Variants in COA1 observed in about 807,000 individuals in gnomAD.
COA1 encodes cytochrome c oxidase assembly factor 1 homolog.
COA1 carries 13 observed loss-of-function variants against 16.0 expected under a neutral mutation model. The observed-to-expected ratio is 0.81, with a 90% CI of 0.53 to 1.29. The LOEUF (loss-of-function observed/expected upper bound fraction) is 1.29, where lower values mean the gene tolerates loss of function less well. Among genes scored for constraint, COA1 ranks in the 50% most tolerant of loss-of-function variants. The probability of loss-of-function intolerance (pLI) is 0.00; values close to 1 mark genes in which losing one functional copy is unlikely to be tolerated. For missense variants in COA1, 179 were observed against 177.0 expected (o/e 1.01, Z -0.06); for synonymous variants, 65 against 65.7 (o/e 0.99, Z 0.05).
intron 1 of COA1, among the ~76,000 whole-genome samples, chr7:43,701,378 T>C (rs2094731288): frequency 6.6e-6 from 1 of 152,212 alleles, no homozygotes. Flanking sequence ...TGGTTTTCTA[T>C]TCCTGTGTTA....
intron 1 of COA1, among the ~76,000 whole-genome samples, chr7:43,680,283 C>CA (rs552891478): frequency 0.14 from 10,300 of 73,118 alleles, 545 homozygotes; most frequent in East Asian, 0.29. Context: ...GACAGGGAGA[C>CA]AAAAAAAAAA....
rs1170433873 is a variant in COA1, at chr7:43,691,477, G to GAA, written c.-39+37950_-39+37951dup. Among the ~76,000 whole-genome samples, 281 of 131,702 alleles carry GAA rather than the reference G, an allele frequency of 2.1e-3. 12 individuals carry two copies. The highest frequency in any genetic ancestry group is 8.7e-3 in the African/African-American group (268 of 30,802). 86.4% of individuals were successfully genotyped at this position (131,702 alleles called of 152,430 possible). ...AGAAAGAAAGAAAGAAAGAAAGAAA[G>GAA]AAATTATCATCAATATAACATTTTC... On this transcript the variant is annotated intron_variant, in intron 1 of 5. Transcript: ENST00000223336.
chr7:43,664,663 C>T (rs1453973381), intron 1 of COA1, among the ~76,000 whole-genome samples: 1 of 152,168 alleles, frequency 6.6e-6, no homozygotes, highest in Admixed American at 6.5e-5. Flanking sequence ...AGGAGGGTCA[C>T]TTGAGCCCAG....
chr7:43,687,464 T>C (rs1009413052), intron 1 of COA1, among the ~76,000 whole-genome samples: 1 of 152,146 alleles, frequency 6.6e-6, no homozygotes, highest in Non-Finnish European at 1.5e-5. Context: ...AACATATACC[T>C]GCATCCTAAA....
chr7:43,608,574 T>G, exon 7 of COA1: 1 of 632,806 alleles, frequency 1.6e-6, no homozygotes, highest in Non-Finnish European at 2.6e-6. Context: ...AGGGAGATAA[T>G]GCACACATGT....
At chr7:43,691,153 GA>G (rs1258829093) in intron 1 of COA1, among the ~76,000 whole-genome samples, 2 of 150,222 alleles carry the variant, frequency 1.3e-5, no homozygotes, top group African/African-American at 4.9e-5. Flanking sequence ...GGCTGCAGTG[GA>G]AGGATTGCTC....
Position 43,639,679 on chromosome 7 carries a change from C to T in COA1, c.344G>A (p.Trp115Ter), listed in dbSNP as rs778640898. ...CTCTAAAAAGACCTCGTCAAGGTGC[C>T]ACCTGAGAGAAACCAAAAGTATAGT... ...HSSRGGPFQR[W>*]HLDEVFLELK... The change falls in exon 6 of 6, where the codon TGG (tryptophan) becomes TAG (stop). Residue 115 changes from tryptophan (W) to a stop codon, truncating the protein, a stop_gained and splice_region_variant. Transcript: ENST00000223336. LOFTEE classifies it low-confidence loss of function (END_TRUNC). 15 of 1,612,990 alleles carry T rather than the reference C, an allele frequency of 9.3e-6. No homozygotes were observed. Among genetic ancestry groups the T allele is most frequent in the Non-Finnish European group, 1.3e-5 (15 of 1,179,188 alleles).
intron 3 of COA1, chr7:43,646,555 C>A (rs926799765): frequency 4.4e-6 from 2 of 456,598 alleles, no homozygotes; most frequent in African/African-American, 4.0e-5. Context: ...GGCTGCAGTG[C>A]CCAGGTCTCA....
chr7:43,653,924 C>A (rs1363411027), intron 1 of COA1, among the ~76,000 whole-genome samples: 1 of 152,098 alleles, frequency 6.6e-6, no homozygotes, highest in Non-Finnish European at 1.5e-5. Flanking sequence ...GCTACCACTT[C>A]CTGATATGAC....
intron 1 of COA1, among the ~76,000 whole-genome samples, chr7:43,654,065 G>C: frequency 6.6e-6 from 1 of 152,178 alleles, no homozygotes; most frequent in African/African-American, 2.4e-5. Context: ...AGTGAAGAGA[G>C]AAAGAGAAAC....
At chr7:43,672,380 A>G (rs2093313161) in intron 1 of COA1, among the ~76,000 whole-genome samples, 1 of 152,214 alleles carries the variant, frequency 6.6e-6, no homozygotes, top group Non-Finnish European at 1.5e-5. Context: ...CAAATCAATA[A>G]ATGTGATTCA....
intron 5 of COA1, among the ~76,000 whole-genome samples, chr7:43,640,189 G>A (rs1017192597): frequency 1.3e-5 from 2 of 152,262 alleles, no homozygotes; most frequent in Non-Finnish European, 2.9e-5. Context: ...TTAAGGGGTG[G>A]AGAGCTTATG....
intron 6 of COA1, among the ~76,000 whole-genome samples, chr7:43,616,752 C>T (rs1403640485): frequency 2.6e-5 from 4 of 151,916 alleles, no homozygotes; most frequent in African/African-American, 9.7e-5. Context: ...AAAAAATTAG[C>T]CGGGCGTGGT....
At chr7:43,700,406 T>C (rs139904031) in intron 1 of COA1, among the ~76,000 whole-genome samples, 2 of 152,126 alleles carry the variant, frequency 1.3e-5, no homozygotes, top group African/African-American at 4.8e-5. Context: ...GTCTGATTTG[T>C]CTCATAGAAA....
chr7:43,619,750 T>C, intron 6 of COA1: 1 of 1,610,846 alleles, frequency 6.2e-7, no homozygotes, highest in Non-Finnish European at 8.5e-7. Flanking sequence ...GTAGTTTTGT[T>C]CTGGGGTCAG....
chr7:43,652,319 T>C (rs1333554600), intron 1 of COA1, among the ~76,000 whole-genome samples: 1 of 152,176 alleles, frequency 6.6e-6, no homozygotes, highest in Non-Finnish European at 1.5e-5. Flanking sequence ...CTGGGTAACA[T>C]GGCTGGCCTG....
At position 43,610,055 on chromosome 7, in the gene COA1, A is replaced by G. The variant is rs114832679; in HGVS notation, c.*134-560T>C. ...GCCAGGGGCCACTTTAAGAATTGCT[A>G]TATGGCCAGGGCCGGGCGCGGTGGC... On this transcript the variant is annotated intron_variant and NMD_transcript_variant, in intron 6 of 6. Transcript: ENST00000415076. Among the ~76,000 whole-genome samples, 574 of 152,368 alleles carry G rather than the reference A, an allele frequency of 3.8e-3. 1 individual carries two copies. Among genetic ancestry groups the G allele is most frequent in the Non-Finnish European group, 6.9e-3 (467 of 68,030 alleles).
chr7:43,631,254 C>G (rs2085145333), intron 6 of COA1: 1 of 152,224 alleles, frequency 6.6e-6, no homozygotes, highest in Admixed American at 6.5e-5. Flanking sequence ...TTGAGGCAGT[C>G]TTGCTCTGTT....
At chr7:43,628,660 G>A (rs143338888) in intron 6 of COA1, among the ~76,000 whole-genome samples, 150 of 152,154 alleles carry the variant, frequency 9.9e-4, no homozygotes, top group African/African-American at 3.3e-3. Context: ...GATATGTGGC[G>A]GTATCTCATG....
Sources: gnomAD v4.1 joint callset for allele counts (sites outside exome capture counted in the v4.1 genomes callset) on GRCh38, gnomAD v4.1.1 for gene constraint, MANE v1.5 for transcripts, NCBI Gene and HGNC (gene_info 2026-07-23, HGNC 2026-07-21) for gene names.